Variants in MAGI2 observed in about 807,000 individuals in gnomAD.
The protein encoded by MAGI2 is membrane associated guanylate kinase, WW and PDZ domain containing 2.
In MAGI2, 35 loss-of-function variants were observed where a neutral mutation model predicts 133.3. The observed-to-expected ratio is 0.26, with a 90% CI of 0.20 to 0.35. MAGI2 has a LOEUF of 0.35. Ranked by LOEUF, MAGI2 falls within the 10% of genes least tolerant of loss-of-function variation. The pLI, the probability that MAGI2 is intolerant of heterozygous loss-of-function variation, is 1.00. For missense variants in MAGI2, 1,636 were observed against 1,863.4 expected, an observed-to-expected ratio of 0.88 and a Z score of 2.25; for synonymous variants, 729 against 710.6, an observed-to-expected ratio of 1.03 and a Z score of -0.41.
chr7:78,603,298 G>A (rs1464977548), intron 3 of MAGI2, among the ~76,000 whole-genome samples: 1 of 152,160 alleles, frequency 6.6e-6, no homozygotes, highest in Admixed American at 6.5e-5. Flanking sequence ...AGTAATGAGA[G>A]GAGATGTCCT....
intron 21 of MAGI2, among the ~76,000 whole-genome samples, chr7:78,075,376 C>G (rs1292144059): frequency 1.6e-5 from 2 of 126,522 alleles, no homozygotes; most frequent in Non-Finnish European, 3.2e-5. Context: ...TGTAATAAAT[C>G]TTTTTTTTTT....
At chr7:78,744,075 T>C (rs1822690864) in intron 2 of MAGI2, among the ~76,000 whole-genome samples, 1 of 152,180 alleles carries the variant, frequency 6.6e-6, no homozygotes, top group Admixed American at 6.5e-5. Context: ...TTTAATTTTC[T>C]TTTTGTCTTT....
chr7:78,362,315 A>G (rs1248422371), intron 7 of MAGI2, among the ~76,000 whole-genome samples: 4 of 152,150 alleles, frequency 2.6e-5, no homozygotes, highest in Admixed American at 1.3e-4. Context: ...AAATAAGTAA[A>G]TAAGTAAGTA....
chr7:78,823,960 A>G (rs996158404), intron 2 of MAGI2, among the ~76,000 whole-genome samples: 9 of 152,048 alleles, frequency 5.9e-5, no homozygotes, highest in Non-Finnish European at 4.4e-5. Flanking sequence ...TACTGCTTTA[A>G]TACATAAAGA....
intron 1 of MAGI2, among the ~76,000 whole-genome samples, chr7:79,218,002 T>G (rs1830156827): frequency 6.6e-6 from 1 of 151,956 alleles, no homozygotes; most frequent in African/African-American, 2.4e-5. Flanking sequence ...GAAAAAAAAG[T>G]ATTGTTTTGG....
At chr7:79,101,609 A>C (rs1449848217) in intron 1 of MAGI2, among the ~76,000 whole-genome samples, 1 of 151,510 alleles carries the variant, frequency 6.6e-6, no homozygotes, top group African/African-American at 2.4e-5. Context: ...CCGTAGTCCC[A>C]GCTACTCGGG....
At chr7:78,500,173 T>G (rs1469186777) in intron 5 of MAGI2, among the ~76,000 whole-genome samples, 2 of 152,228 alleles carry the variant, frequency 1.3e-5, no homozygotes, top group African/African-American at 4.8e-5. Context: ...GTCGCATGAT[T>G]CAGAGTTTCC....
intron 5 of MAGI2, among the ~76,000 whole-genome samples, chr7:78,493,659 A>AT (rs1484097145): frequency 6.6e-6 from 1 of 152,046 alleles, no homozygotes; most frequent in Non-Finnish European, 1.5e-5. Context: ...AACCAGAGGC[A>AT]TCCGGAACCT....
chr7:78,989,638 G>A (rs571584332), intron 2 of MAGI2, among the ~76,000 whole-genome samples: 10 of 151,972 alleles, frequency 6.6e-5, no homozygotes, highest in Non-Finnish European at 1.3e-4. Context: ...CCCTGTATCC[G>A]AGAGTTCATA....
In MAGI2 at chr7:78,326,589, T is replaced by C. The variant is rs1026574909; in HGVS notation, c.1408+17189A>G. Among the ~76,000 whole-genome samples the C allele has an allele frequency of 7.2e-5, 11 of 152,142 alleles. No individual in the cohort carries two copies. The East Asian group carries it at 1.2e-3, about 16-fold the overall frequency. ...TGTTTACTGAGGAAAATGGACTCGA[T>C]CCCACTCATTTCTTCTTCTCTGGCT... On this transcript the variant is annotated intron_variant, in intron 9 of 21. Transcript: ENST00000354212.
chr7:78,045,307 T>A (rs369085347), intron 21 of MAGI2, among the ~76,000 whole-genome samples: 1 of 152,106 alleles, frequency 6.6e-6, no homozygotes, highest in East Asian at 1.9e-4. Context: ...GGGGTCTTAT[T>A]TTTTTTAGTT....
intron 6 of MAGI2, among the ~76,000 whole-genome samples, chr7:78,459,391 T>C (rs567322113): frequency 1.9e-4 from 29 of 152,334 alleles, no homozygotes; most frequent in African/African-American, 7.0e-4. Context: ...GCTCATTTCC[T>C]TTTTTAGTTA....
intron 1 of MAGI2, among the ~76,000 whole-genome samples, chr7:79,159,393 T>C (rs1386303642): frequency 6.6e-6 from 1 of 151,776 alleles, no homozygotes; most frequent in Non-Finnish European, 1.5e-5. Context: ...GGTGTATGCC[T>C]GTAGTCTCAG....
chr7:78,648,627 G>C (rs1206959477), intron 2 of MAGI2, among the ~76,000 whole-genome samples: 1 of 152,198 alleles, frequency 6.6e-6, no homozygotes, highest in Non-Finnish European at 1.5e-5. Context: ...AATTAAATCA[G>C]AATTTGGGGG....
At chr7:79,010,521 G>T (rs1807972855) in intron 1 of MAGI2, among the ~76,000 whole-genome samples, 1 of 151,912 alleles carries the variant, frequency 6.6e-6, no homozygotes, top group Admixed American at 6.6e-5. Context: ...TAAATAATTT[G>T]CTATCTTATT....
intron 1 of MAGI2, among the ~76,000 whole-genome samples, chr7:79,213,767 C>T (rs994419489): frequency 1.3e-5 from 2 of 152,082 alleles, no homozygotes; most frequent in African/African-American, 4.8e-5. Flanking sequence ...AGCGGCTACC[C>T]AGCCCTTTTT....
intron 2 of MAGI2, among the ~76,000 whole-genome samples, chr7:78,872,896 C>T (rs1000034873): frequency 6.6e-6 from 1 of 152,014 alleles, no homozygotes; most frequent in Non-Finnish European, 1.5e-5. Flanking sequence ...ATCAAATATA[C>T]AGACATATAC....
At chr7:79,387,823 G>C (rs1175791480) in intron 1 of MAGI2, among the ~76,000 whole-genome samples, 1 of 151,736 alleles carries the variant, frequency 6.6e-6, no homozygotes, top group Non-Finnish European at 1.5e-5. Flanking sequence ...TTTGGAACAT[G>C]ATGGAAATTT....
chr7:78,152,455 G>C (rs748210635), intron 16 of MAGI2, among the ~76,000 whole-genome samples: 43 of 152,132 alleles, frequency 2.8e-4, no homozygotes, highest in Non-Finnish European at 5.3e-4. Flanking sequence ...TGGTACAGGA[G>C]GACTGGATTG....
Sources: allele counts gnomAD v4.1 joint callset (sites outside exome capture counted in the v4.1 genomes callset), GRCh38; gene constraint gnomAD v4.1.1; transcripts MANE v1.5; gene names NCBI Gene and HGNC (gene_info 2026-07-23, HGNC 2026-07-21).